NRXN1: variants seen among roughly 807,000 people sequenced by gnomAD.
NRXN1 encodes neurexin 1, also known as neurexin-1.
Under a neutral mutation model 150.9 loss-of-function variants are expected in NRXN1, and 39 were observed. The observed-to-expected ratio is 0.26, with a 90% CI of 0.20 to 0.34. The LOEUF (loss-of-function observed/expected upper bound fraction) is 0.34. Ranked by LOEUF, NRXN1 falls within the 10% of genes least tolerant of loss-of-function variation. The probability of loss-of-function intolerance (pLI) is 1.00; values close to 1 mark genes in which losing one functional copy is unlikely to be tolerated. For synonymous variants in NRXN1, 924 were observed against 757.0 expected (o/e 1.22, Z -3.62); for missense variants, 1,815 against 1,949.9 (o/e 0.93, Z 1.30).
intron 18 of NRXN1, among the ~76,000 whole-genome samples, chr2:50,210,872 A>C (rs2062966553): frequency 6.6e-6 from 1 of 151,638 alleles, no homozygotes; most frequent in Non-Finnish European, 1.5e-5. Flanking sequence ...GCTTTTAAAA[A>C]ATAAAATTAC....
At chr2:50,352,838 C>G (rs907139935) in intron 17 of NRXN1, among the ~76,000 whole-genome samples, 5 of 150,460 alleles carry the variant, frequency 3.3e-5, no homozygotes, top group Admixed American at 2.0e-4. Flanking sequence ...TGGAGATTTA[C>G]TGCAATCTTT....
intron 17 of NRXN1, among the ~76,000 whole-genome samples, chr2:50,459,005 A>G (rs551443920): frequency 6.6e-6 from 1 of 152,266 alleles, no homozygotes; most frequent in East Asian, 1.9e-4. Context: ...CATATTAATT[A>G]TGATATTAGC....
At chr2:50,171,669 T>C (rs1559024337) in intron 18 of NRXN1, among the ~76,000 whole-genome samples, 1 of 152,100 alleles carries the variant, frequency 6.6e-6, no homozygotes, top group Admixed American at 6.6e-5. Flanking sequence ...TTGAATAACT[T>C]AGAGTCTCCA....
intron 5 of NRXN1, among the ~76,000 whole-genome samples, chr2:50,731,912 T>A (rs1374317639): frequency 6.6e-6 from 1 of 152,190 alleles, no homozygotes; most frequent in East Asian, 1.9e-4. Context: ...TTATCTTATA[T>A]CTTGTCTATA....
intron 17 of NRXN1, among the ~76,000 whole-genome samples, chr2:50,367,354 T>A (rs527688152): frequency 6.6e-6 from 1 of 152,058 alleles, no homozygotes; most frequent in Non-Finnish European, 1.5e-5. Flanking sequence ...AGGTATCTGA[T>A]GTGGGCTTAT....
At chr2:50,919,959 T>C in intron 5 of NRXN1, 1 of 358,910 alleles carries the variant, frequency 2.8e-6, no homozygotes, top group South Asian at 2.2e-5. Context: ...TGCCATGTCA[T>C]AGTCATGATT....
At chr2:50,196,340 T>C (rs1453516044) in intron 18 of NRXN1, among the ~76,000 whole-genome samples, 3 of 152,120 alleles carry the variant, frequency 2.0e-5, no homozygotes, top group East Asian at 1.9e-4. Flanking sequence ...ACAAAAACAC[T>C]GTTACTTATT....
intron 5 of NRXN1, among the ~76,000 whole-genome samples, chr2:50,745,133 C>A (rs576553613): frequency 1.3e-5 from 2 of 152,172 alleles, no homozygotes; most frequent in African/African-American, 4.8e-5. Flanking sequence ...CAACCTTGGG[C>A]AAGCATTTAA....
At chr2:50,381,537 AC>A (rs1334982307) in intron 17 of NRXN1, among the ~76,000 whole-genome samples, 13 of 146,548 alleles carry the variant, frequency 8.9e-5, no homozygotes, top group African/African-American at 2.7e-4. Flanking sequence ...ACACACACAC[AC>A]ACACACACAC....
chr2:50,278,532 A>G (rs1255137833), intron 17 of NRXN1, among the ~76,000 whole-genome samples: 1 of 151,136 alleles, frequency 6.6e-6, no homozygotes, highest in Non-Finnish European at 1.5e-5. Flanking sequence ...ATTGGGTCCA[A>G]AGGTTAATCA....
chr2:50,938,835 T>A (rs897628622), intron 2 of NRXN1, among the ~76,000 whole-genome samples: 27 of 152,184 alleles, frequency 1.8e-4, no homozygotes, highest in African/African-American at 6.5e-4. Context: ...TAGGGAGTTT[T>A]AGCAAACTTT....
At chr2:50,011,638 G>A (rs1465366616) in intron 21 of NRXN1, among the ~76,000 whole-genome samples, 1 of 151,980 alleles carries the variant, frequency 6.6e-6, no homozygotes, top group Non-Finnish European at 1.5e-5. Context: ...ACCATCAGAG[G>A]CTGGTCAAGT....
chr2:51,026,343 A>AT (rs776879643), intron 2 of NRXN1: 2 of 1,437,442 alleles, frequency 1.4e-6, no homozygotes, highest in Non-Finnish European at 9.7e-7. Flanking sequence ...TTAGCCACTG[A>AT]TTCGTCTTTT....
intron 19 of NRXN1, among the ~76,000 whole-genome samples, chr2:50,083,103 T>G (rs1698205419): frequency 6.6e-6 from 1 of 152,194 alleles, no homozygotes; most frequent in African/African-American, 2.4e-5. Context: ...TAGCTTCTAC[T>G]ACAAGAGAAC....
intron 12 of NRXN1, among the ~76,000 whole-genome samples, chr2:50,514,342 A>G (rs1422440511): frequency 2.0e-5 from 3 of 152,200 alleles, no homozygotes; most frequent in Non-Finnish European, 4.4e-5. Context: ...ACAGTACCAT[A>G]GCATCTGAGA....
chr2:50,781,207 C>T lies in NRXN1; in HGVS notation c.832+140662G>A, dbSNP rs1413119523. Among the ~76,000 whole-genome samples, 3 of 152,138 alleles carry T rather than the reference C, an allele frequency of 2.0e-5. No homozygotes were observed. In the East Asian group the frequency reaches 5.8e-4, roughly 29 times the overall value. On this transcript the variant is annotated intron_variant, in intron 5 of 22. Transcript: ENST00000401669. ...TTGTGTTATAAGAGAACTCTGAGCT[C>T]AGAGAACCCAAATATTTTATAATGG... is the stretch of plus-strand genomic sequence containing the variant.
intron 5 of NRXN1, among the ~76,000 whole-genome samples, chr2:50,699,402 T>C (rs1381126249): frequency 6.6e-6 from 1 of 152,152 alleles, no homozygotes; most frequent in African/African-American, 2.4e-5. Flanking sequence ...TCCAGGATTA[T>C]CTGAGTGGAT....
At chr2:50,678,021 T>C (rs1689795527) in intron 5 of NRXN1, among the ~76,000 whole-genome samples, 1 of 152,166 alleles carries the variant, frequency 6.6e-6, no homozygotes, top group South Asian at 2.1e-4. Flanking sequence ...GCATTCAAAA[T>C]ATATTTTTTA....
At chr2:50,499,933 G>C (rs551951988) in intron 13 of NRXN1, among the ~76,000 whole-genome samples, 107 of 134,244 alleles carry the variant, frequency 8.0e-4, no homozygotes, top group African/African-American at 3.2e-3. Context: ...GGGCAACAGA[G>C]CAAGACTCCA....
Sources: allele counts gnomAD v4.1 joint callset (sites outside exome capture counted in the v4.1 genomes callset), GRCh38; gene constraint gnomAD v4.1.1; transcripts MANE v1.5; gene names NCBI Gene and HGNC (gene_info 2026-07-23, HGNC 2026-07-21).